The following GLI3 variants were observed in gnomAD, a reference collection of about 807,000 sequenced individuals.
The protein encoded by GLI3 is GLI family zinc finger 3.
GLI3 carries 20 observed loss-of-function variants against 100.8 expected under a neutral mutation model. The observed-to-expected ratio is 0.20, with a 90% CI of 0.14 to 0.29. The LOEUF is 0.29. Among genes scored for constraint, GLI3 ranks in the 10% least tolerant of loss-of-function variants. The probability of loss-of-function intolerance (pLI) is 1.00; values close to 1 mark genes in which losing one functional copy is unlikely to be tolerated. For synonymous variants in GLI3, 938 were observed against 860.5 expected (o/e 1.09, Z -1.58); for missense variants, 2,040 against 2,128.5 (o/e 0.96, Z 0.82).
chr7:41,973,383 T>C (rs1014025181), intron 12 of GLI3, among the ~76,000 whole-genome samples: 2 of 152,244 alleles, frequency 1.3e-5, no homozygotes, highest in African/African-American at 4.8e-5. Context: ...AGTGAATTTA[T>C]AACTAAGGTC....
chr7:42,119,306 C>T (rs915958709), intron 3 of GLI3, among the ~76,000 whole-genome samples: 1 of 152,166 alleles, frequency 6.6e-6, no homozygotes, highest in Non-Finnish European at 1.5e-5. Context: ...TTTTGAATCA[C>T]GTGGGGAATC....
At chr7:42,163,432 CT>C (rs1343242464) in intron 2 of GLI3, among the ~76,000 whole-genome samples, 238 of 143,090 alleles carry the variant, frequency 1.7e-3, no homozygotes, top group Non-Finnish European at 1.6e-3. Context: ...ATTTTCTTTT[CT>C]TTTTTTTTTT....
In GLI3 at chr7:42,068,101, T is replaced by C. The variant is rs529336664; in HGVS notation, c.473+8651A>G. Among the ~76,000 whole-genome samples the C allele has an allele frequency of 2.6e-5, 4 of 152,332 alleles. No homozygotes were observed. The South Asian group carries it at 8.3e-4, about 32-fold the overall frequency. Reference sequence around the variant, plus strand: ...AGGCAGTTCCTGCCACTCTGACCATTCTCCCTGCATTATTTTCTTCCTGCA... The same window carrying C: ...AGGCAGTTCCTGCCACTCTGACCATCCTCCCTGCATTATTTTCTTCCTGCA... On this transcript the variant is annotated intron_variant, in intron 4 of 14. Coordinates refer to ENST00000395925, the MANE Select transcript of GLI3 (RefSeq NM_000168.6).
chr7:42,025,431 C>T (rs1789083970), intron 8 of GLI3, 54 bp from the exon 9 acceptor site: 5 of 1,316,596 alleles, frequency 3.8e-6, no homozygotes, highest in Non-Finnish European at 4.4e-6. Context: ...CAACAAGGAG[C>T]AGTACCATAA....
chr7:42,070,542 C>T (rs1784764544), intron 4 of GLI3, among the ~76,000 whole-genome samples: 1 of 152,302 alleles, frequency 6.6e-6, no homozygotes, highest in Admixed American at 6.5e-5. Flanking sequence ...TGAGTAACTT[C>T]TCTATGTCAA....
intron 2 of GLI3, among the ~76,000 whole-genome samples, chr7:42,193,680 C>A (rs1373881906): frequency 6.6e-6 from 1 of 152,164 alleles, no homozygotes; most frequent in African/African-American, 2.4e-5. Context: ...TCCTTTTTAA[C>A]TCAATATTAC....
intron 6 of GLI3, among the ~76,000 whole-genome samples, chr7:42,045,083 G>A (rs1405813037): frequency 6.6e-6 from 1 of 152,106 alleles, no homozygotes; most frequent in Non-Finnish European, 1.5e-5. Context: ...GATAGATCTC[G>A]CTATGTCACC....
chr7:42,082,052 A>G (rs913239218), intron 3 of GLI3, among the ~76,000 whole-genome samples: 2 of 151,916 alleles, frequency 1.3e-5, no homozygotes, highest in Non-Finnish European at 2.9e-5. Flanking sequence ...TCATTCAATC[A>G]TCTGCCATCA....
intron 2 of GLI3, among the ~76,000 whole-genome samples, chr7:42,187,002 G>A (rs1039479581): frequency 6.6e-6 from 1 of 151,414 alleles, no homozygotes; most frequent in African/African-American, 2.4e-5. Context: ...TTGAGCTCAG[G>A]AGATTGAAAC....
intron 1 of GLI3, among the ~76,000 whole-genome samples, chr7:42,258,015 C>T (rs189609085): frequency 3.9e-4 from 59 of 152,230 alleles, no homozygotes; most frequent in Non-Finnish European, 5.9e-4. Flanking sequence ...TTTCTTTTCT[C>T]GTGATGTCCT....
At chr7:42,006,176 C>T (rs951322982) in intron 10 of GLI3, among the ~76,000 whole-genome samples, 4 of 152,216 alleles carry the variant, frequency 2.6e-5, no homozygotes, top group Non-Finnish European at 4.4e-5. Context: ...CGAAGGGCAA[C>T]ATTGCCCAGA....
intron 2 of GLI3, among the ~76,000 whole-genome samples, chr7:42,197,416 T>C (rs916509410): frequency 6.6e-6 from 1 of 152,212 alleles, no homozygotes; most frequent in African/African-American, 2.4e-5. Context: ...TGCAAGGATA[T>C]TAACTTGGGC....
chr7:42,078,583 T>C (rs1211973244), intron 3 of GLI3, among the ~76,000 whole-genome samples: 1 of 151,958 alleles, frequency 6.6e-6, no homozygotes, highest in African/African-American at 2.4e-5. Flanking sequence ...TGTCATAAGA[T>C]TGAGTAGGGA....
chr7:42,181,702 T>C (rs948617419), intron 2 of GLI3, among the ~76,000 whole-genome samples: 2 of 152,170 alleles, frequency 1.3e-5, no homozygotes, highest in Non-Finnish European at 2.9e-5. Context: ...TCAACTGTGA[T>C]TTCGAGGTGT....
chr7:42,227,326 A>AG (rs1490959303), intron 1 of GLI3, among the ~76,000 whole-genome samples: 1 of 149,850 alleles, frequency 6.7e-6, no homozygotes, highest in Non-Finnish European at 1.5e-5. Context: ...TCGGTGAAGA[A>AG]AAAAAAAAAA....
intron 4 of GLI3, among the ~76,000 whole-genome samples, chr7:42,068,896 A>G (rs11983699): frequency 0.018 from 2,741 of 152,270 alleles, 28 homozygotes; most frequent in Middle Eastern, 0.051. Flanking sequence ...ATTCTGTTAA[A>G]GTTCAGTTTT....
At chr7:42,025,151 G>T in intron 9 of GLI3, 113 bp downstream of exon 9, 1 of 733,746 alleles carries the variant, frequency 1.4e-6, no homozygotes, top group Admixed American at 1.9e-5. Flanking sequence ...CAATGCAGTG[G>T]ACAAGGAACT....
chr7:42,081,987 G>A (rs936596095), intron 3 of GLI3, among the ~76,000 whole-genome samples: 2 of 151,992 alleles, frequency 1.3e-5, no homozygotes, highest in Non-Finnish European at 2.9e-5. Context: ...AGCTAGGGAT[G>A]ATTTTCTGTC....
At position 41,972,249 on chromosome 7, in the gene GLI3, G is replaced by A; in HGVS notation, c.2103+88C>T. On this transcript the variant is annotated intron_variant, in intron 13 of 14. Transcript: ENST00000395925. This position sits in a 1 kb window ranked among gnomAD's most constrained non-coding sequence, Gnocchi z 4.4. The stretch of plus-strand genomic sequence containing the variant: ...GATCAGAGACAGCCTGACACAGTGA[G>A]GACCGGGAAGTCCTGTCCCTCTATG... 8.3e-7 allele frequency: 1 copy of A among 1,200,660 alleles called. No individual in the cohort carries two copies. The highest frequency in any genetic ancestry group is 1.2e-5 in the South Asian group (1 of 82,224). The allele number at this position is 1,200,660 out of a possible 1,614,324, so 74.4% of individuals were successfully genotyped here. A position where few individuals can be genotyped will look rare whatever the true frequency, so the allele number is the denominator to read the frequency against.
Sources: gnomAD v4.1 joint callset for allele counts (sites outside exome capture counted in the v4.1 genomes callset) on GRCh38, gnomAD v4.1.1 for gene constraint, Gnocchi (gnomAD v3.1) non-coding constraint, MANE v1.5 for transcripts, NCBI Gene and HGNC (gene_info 2026-07-23, HGNC 2026-07-21) for gene names.